USE1: variants seen among roughly 807,000 people sequenced by gnomAD.
USE1 encodes the protein vesicle transport protein USE1.
USE1 carries 32 observed loss-of-function variants against 37.6 expected under a neutral mutation model. That is an observed-to-expected ratio of 0.85 (90% CI 0.64 to 1.14). The LOEUF is 1.14. Among genes scored for constraint, USE1 ranks in the 50% most tolerant of loss-of-function variants. The pLI is 0.00. For missense variants in USE1, 310 were observed against 332.2 expected (o/e 0.93, Z 0.52); for synonymous variants, 149 against 137.6 (o/e 1.08, Z -0.58).
In USE1 at chr19:17,219,624, C is replaced by T. The variant is rs1681104167; in HGVS notation, c.598-7C>T. 1 of 1,592,720 alleles carries T rather than the reference C, an allele frequency of 6.3e-7. No homozygotes were observed. Among genetic ancestry groups the T allele is most frequent in the Admixed American group, 1.7e-5 (1 of 58,818 alleles). On this transcript the variant is annotated splice_region_variant and splice_polypyrimidine_tract_variant and intron_variant, in intron 7 of 7. Transcript: ENST00000263897. Reference sequence around the variant, plus strand: ...TCCTGTTGACACCTTTTCCACCTCCCCCACAGACCCTGTCACACTCACTGA... The same window carrying T: ...TCCTGTTGACACCTTTTCCACCTCCTCCACAGACCCTGTCACACTCACTGA...
rs753608737 is a variant in USE1, at chr19:17,219,725, A to G, written c.692A>G (p.Asn231Ser). The G allele has an allele frequency of 5.0e-6, 8 of 1,613,402 alleles. No homozygotes were observed. Among genetic ancestry groups the G allele is most frequent in the African/African-American group, 1.3e-5 (1 of 74,938 alleles). Residue 231 changes from asparagine to serine, a missense_variant, in exon 8 of 8, where the codon AAC becomes AGC. Transcript: ENST00000263897. ...RLEQHTQKSV[N>S]WLLWAMLIIV... ...GAGCAGCACACGCAGAAGTCAGTCAACTGGCTGCTCTGGGCCATGCTCATT... is the reference window on the plus strand; with the variant it reads ...GAGCAGCACACGCAGAAGTCAGTCAGCTGGCTGCTCTGGGCCATGCTCATT...
chr19:17,217,460 C>G lies in USE1; in HGVS notation c.392C>G (p.Ala131Gly). ...MRSELLGTDS[A>G]EPEMDVRKRT... is the part of the protein sequence containing the mutation. ...ACTTACTTCTTTCCACAGGACTCTG[C>G]AGGTGAGTCACCATGAACACAACAG... Residue 131 changes from alanine (A) to glycine (G), a missense_variant and splice_region_variant, in exon 5 of 8, where the codon GCA (alanine) becomes GGA (glycine). Physicochemically the swap from Ala to Gly is moderately conservative, Grantham distance 60. Coordinates refer to ENST00000263897, the MANE Select transcript of USE1 (RefSeq NM_018467.4). 6.2e-7 allele frequency: 1 copy of G among 1,611,286 alleles called. No homozygotes were observed. The highest frequency in any genetic ancestry group is 8.5e-7 in the Non-Finnish European group (1 of 1,178,436).
At chr19:17,215,753 T>C in intron 1 of USE1, 49 bp from the exon 2 acceptor site, 2 of 1,277,920 alleles carry the variant, frequency 1.6e-6, no homozygotes, top group Non-Finnish European at 1.1e-6. Context: ...ACTCCCATGA[T>C]CAGGACATGG....
At chr19:17,217,993 A>G (rs1599440128) in intron 5 of USE1, 1 of 347,810 alleles carries the variant, frequency 2.9e-6, no homozygotes, top group Non-Finnish European at 5.5e-6. Flanking sequence ...CTGAGGCAGG[A>G]GGATTGCTTG....
intron 1 of USE1, 28 bp from the exon 2 acceptor site, chr19:17,215,774 C>G: frequency 1.2e-6 from 2 of 1,601,196 alleles, no homozygotes; most frequent in Admixed American, 3.4e-5. Flanking sequence ...GAAAGACCCC[C>G]GGGTGACAAT....
In USE1 at chr19:17,219,288, G is replaced by T. The variant is rs546281101; in HGVS notation, c.498G>T (p.Gln166His). ...AELDLVLQRH[Q>H]NLQEKLAEEM... ...TAGACCTCGTCCTGCAGCGACATCA[G>T]AACCTCCAGGAAAAGCTGGCGGAAG... is the stretch of plus-strand genomic sequence containing the variant. Residue 166 changes from glutamine to histidine, a missense_variant, in exon 7 of 8, where the codon CAG (glutamine) becomes CAT (histidine). Physicochemically the swap from Gln to His is conservative, Grantham distance 24. Transcript: ENST00000263897. The T allele has an allele frequency of 6.2e-7, 1 of 1,613,600 alleles. No homozygotes were observed. The highest frequency in any genetic ancestry group is 1.1e-5 in the South Asian group (1 of 90,962).
At chr19:17,218,164 T>C in intron 5 of USE1, 200 bp from the exon 6 acceptor site, 1 of 626,908 alleles carries the variant, frequency 1.6e-6, no homozygotes, top group Admixed American at 3.1e-5. Flanking sequence ...GGGAGGGACC[T>C]GGGGTCTGAG....
chr19:17,217,867 A>C, intron 5 of USE1: 1 of 358,086 alleles, frequency 2.8e-6, no homozygotes, highest in Non-Finnish European at 5.5e-6. Context: ...AGCTGAGATC[A>C]CACCACTGCA....
intron 5 of USE1, 106 bp downstream of exon 5, chr19:17,217,568 C>CA: frequency 4.8e-6 from 7 of 1,467,918 alleles, no homozygotes; most frequent in Non-Finnish European, 5.6e-6. Flanking sequence ...GCCCTGACTC[C>CA]AACAGGAGCA....
chr19:17,216,280 G>A lies in USE1; in HGVS notation c.343G>A (p.Ala115Thr). The change falls in exon 4 of 8, where the codon GCG (alanine) becomes ACG (threonine). Residue 115 changes from alanine to threonine, a missense_variant. Coordinates refer to ENST00000263897, the MANE Select transcript of USE1 (RefSeq NM_018467.4). ...AAAGACGGTGCATCTGCAGTCACGG[G>A]CGCGGTACACCAGCGAGATGCGGAG... ...ATKTVHLQSR[A>T]RYTSEMRSEL... 6.2e-7 allele frequency: 1 copy of A among 1,613,044 alleles called. No homozygotes were observed. Among genetic ancestry groups the A allele is most frequent in the Non-Finnish European group, 8.5e-7 (1 of 1,179,800 alleles).
chr19:17,216,934 A>C (rs2073294202), intron 4 of USE1, among the ~76,000 whole-genome samples: 1 of 151,856 alleles, frequency 6.6e-6, no homozygotes, highest in East Asian at 1.9e-4. Context: ...GCTGAGATCA[A>C]GCCATTGCAC....
Position 17,219,358 on chromosome 19 carries a change from G to T in USE1, c.568G>T (p.Ala190Ser). The change falls in exon 7 of 8, where the codon GCC (alanine) becomes TCC (serine). Residue 190 changes from alanine to serine, a missense_variant. Coordinates refer to ENST00000263897, the MANE Select transcript of USE1 (RefSeq NM_018467.4). The part of the protein sequence containing the change: ...ARSLKTNTLA[A>S]QSVIKKDNQT... ...GAGCCTCAAGACCAATACCCTGGCC[G>T]CCCAGAGTGTCATCAAGAAGGACAA... 2 of 1,568,754 alleles carry T rather than the reference G, an allele frequency of 1.3e-6. No individual in the cohort carries two copies. The highest frequency in any genetic ancestry group is 1.7e-6 in the Non-Finnish European group (2 of 1,156,790).
At position 17,216,033 on chromosome 19, in the gene USE1, T is replaced by A. The variant is rs2073287958; in HGVS notation, c.194T>A (p.Val65Glu). The A allele has an allele frequency of 1.2e-6, 2 of 1,610,006 alleles. No individual in the cohort carries two copies. The change falls in exon 3 of 8, where the codon GTG (valine) becomes GAG (glutamate). Residue 65 changes from valine (V) to glutamate (E), a missense_variant. Coordinates refer to ENST00000263897, the MANE Select transcript of USE1 (RefSeq NM_018467.4). ...GTGATCAATGAATATTCCTGGAAGG[T>A]GGATTTTCTGAAGGGGATGCTGCAA... ...SEVINEYSWK[V>E]DFLKGMLQAE...
chr19:17,218,551 C>T (rs1413493474), intron 6 of USE1, 160 bp downstream of exon 6: 11 of 860,570 alleles, frequency 1.3e-5, no homozygotes, highest in South Asian at 3.6e-5. Flanking sequence ...AAAGGCCAGG[C>T]GCAGTGGCTC....
intron 6 of USE1, 75 bp from the exon 7 acceptor site, chr19:17,219,138 A>AT: frequency 6.6e-7 from 1 of 1,513,346 alleles, no homozygotes; most frequent in East Asian, 2.3e-5. Context: ...AAAAAAAAAA[A>AT]AAAGAAAATG....
chr19:17,219,753 C>T lies in USE1; in HGVS notation c.720C>T (p.Ile240=), dbSNP rs751608028. ...GGCTGCTCTGGGCCATGCTCATTAT[C>T]GTCTGCTTCATCTTCATTAGCATGA... is the stretch of plus-strand genomic sequence containing the variant. ...VNWLLWAMLI[I]VCFIFISMIL... The change falls in exon 8 of 8, where the codon ATC becomes ATT. Residue 240 remains isoleucine (I), a synonymous_variant. Coordinates refer to ENST00000263897, the MANE Select transcript of USE1 (RefSeq NM_018467.4). 2.7e-5 allele frequency: 44 copies of T among 1,612,386 alleles called. 2 individuals are homozygous for T. The South Asian group carries it at 4.4e-4, about 16-fold the overall frequency.
chr19:17,215,368 T>G lies in USE1; in HGVS notation c.-38T>G, dbSNP rs1365443612. ...AAGGCACTTCCGCCCTCTCTTAACA[T>G]GGAGCCGGCGGAAGGGGTGGTGTAG... is the stretch of plus-strand genomic sequence containing the variant. On this transcript the variant is annotated 5_prime_UTR_variant, in exon 1 of 8. An upstream start codon of the reference 5' UTR is lost. Coordinates refer to ENST00000263897, the MANE Select transcript of USE1 (RefSeq NM_018467.4). 5.8e-6 allele frequency: 9 copies of G among 1,543,214 alleles called. No homozygotes were observed. Among genetic ancestry groups the G allele is most frequent in the Middle Eastern group, 1.7e-4 (1 of 5,912 alleles).
At chr19:17,219,169 C>G (rs746707144) in intron 6 of USE1, 44 bp from the exon 7 acceptor site, 1 of 1,567,172 alleles carries the variant, frequency 6.4e-7, no homozygotes, top group South Asian at 1.2e-5. Flanking sequence ...CTCCCCTTTC[C>G]CACTCCATCT....
chr19:17,216,080 G>T lies in USE1; in HGVS notation c.231+10G>T. 6.2e-7 allele frequency: 1 copy of T among 1,613,004 alleles called. No individual in the cohort carries two copies. The highest frequency in any genetic ancestry group is 1.1e-5 in the South Asian group (1 of 90,994). On this transcript the variant is annotated intron_variant, in intron 3 of 7. Coordinates refer to ENST00000263897, the MANE Select transcript of USE1 (RefSeq NM_018467.4). ...GCAAGCCGAGAAGCTGGTGAGAAGG[G>T]GTGCCCCTGCCCCCTCAGCCCCCAT...
Sources: allele counts gnomAD v4.1 joint callset (sites outside exome capture counted in the v4.1 genomes callset), GRCh38; gene constraint gnomAD v4.1.1; transcripts MANE v1.5; gene names NCBI Gene and HGNC (gene_info 2026-07-23, HGNC 2026-07-21).